The following TMEM132D variants were observed in gnomAD, a reference collection of about 807,000 sequenced individuals.
TMEM132D encodes transmembrane protein 132D.
A neutral mutation model predicts 62.3 loss-of-function variants in TMEM132D; 21 were observed. The observed-to-expected ratio is 0.34, with a 90% confidence interval of 0.24 to 0.49. The LOEUF (loss-of-function observed/expected upper bound fraction) is 0.49, where lower values mean the gene tolerates loss of function less well. Among genes scored for constraint, TMEM132D ranks in the 20% least tolerant of loss-of-function variants. TMEM132D has a pLI of 0.99. For missense variants in TMEM132D, 1,346 were observed against 1,402.8 expected, an observed-to-expected ratio of 0.96 and a Z score of 0.65; for synonymous variants, 621 against 575.6, an observed-to-expected ratio of 1.08 and a Z score of -1.13.
chr12:129,370,216 T>C (rs774805752), intron 3 of TMEM132D, among the ~76,000 whole-genome samples: 36 of 152,222 alleles, frequency 2.4e-4, no homozygotes, highest in Non-Finnish European at 4.7e-4. Flanking sequence ...CACACAGGAA[T>C]TGACACAAAG....
At chr12:129,331,022 G>A (rs780020316) in intron 4 of TMEM132D, among the ~76,000 whole-genome samples, 3 of 152,070 alleles carry the variant, frequency 2.0e-5, no homozygotes, top group Non-Finnish European at 4.4e-5. Context: ...TGCCCTCATT[G>A]CGTGCAAGGA....
intron 2 of TMEM132D, among the ~76,000 whole-genome samples, chr12:129,614,194 C>G (rs1011983175): frequency 1.3e-5 from 2 of 152,228 alleles, no homozygotes; most frequent in African/African-American, 4.8e-5. Flanking sequence ...AGAACCCATG[C>G]TCTTGAACCC....
In TMEM132D at chr12:129,779,167, G is replaced by A. The variant is rs1030244230; in HGVS notation, c.80-78469C>T. 3.3e-5 allele frequency among the ~76,000 whole-genome samples: 5 copies of A among 152,144 alleles called. No individual in the cohort carries two copies. The highest frequency in any genetic ancestry group is 7.3e-5 in the Non-Finnish European group (5 of 68,032). Reference sequence around the variant, plus strand: ...ATCCACCCAGCAGGAAGGATACAAGGCCTTAGGAAGGATCCATCTGGAAAG... The same window carrying A: ...ATCCACCCAGCAGGAAGGATACAAGACCTTAGGAAGGATCCATCTGGAAAG... On this transcript the variant is annotated intron_variant, in intron 1 of 8. Coordinates refer to ENST00000422113, the MANE Select transcript of TMEM132D (RefSeq NM_133448.3). The surrounding 1 kb of genome is among the most constrained non-coding windows in gnomAD (Gnocchi z 4.1).
intron 4 of TMEM132D, among the ~76,000 whole-genome samples, chr12:129,232,451 G>A (rs1424503376): frequency 2.0e-5 from 3 of 152,166 alleles, no homozygotes; most frequent in Non-Finnish European, 4.4e-5. Context: ...CAGAGCTGAG[G>A]TCAGAAAGCA....
At chr12:129,509,535 A>G (rs1049892823) in intron 3 of TMEM132D, among the ~76,000 whole-genome samples, 4 of 152,092 alleles carry the variant, frequency 2.6e-5, no homozygotes, top group South Asian at 4.1e-4. Flanking sequence ...ACTGACTATA[A>G]TCACCCTGTT....
chr12:129,644,123 G>T (rs935984246), intron 2 of TMEM132D, among the ~76,000 whole-genome samples: 47 of 152,038 alleles, frequency 3.1e-4, no homozygotes, highest in African/African-American at 1.1e-3. Context: ...AAAGTGCTGG[G>T]GAACCTATGT....
intron 4 of TMEM132D, among the ~76,000 whole-genome samples, chr12:129,210,653 CTCTT>C (rs1879013201): frequency 6.6e-6 from 1 of 152,204 alleles, no homozygotes; most frequent in Non-Finnish European, 1.5e-5. Context: ...CCCTTTATCT[CTCTT>C]CCAGACTCTA....
chr12:129,881,662 T>G (rs1482141127), intron 1 of TMEM132D, among the ~76,000 whole-genome samples: 1 of 152,004 alleles, frequency 6.6e-6, no homozygotes, highest in Admixed American at 6.6e-5. Flanking sequence ...GAGAAAAATG[T>G]AGACTATTAG....
At chr12:129,499,088 A>C (rs540335782) in intron 3 of TMEM132D, among the ~76,000 whole-genome samples, 1 of 152,308 alleles carries the variant, frequency 6.6e-6, no homozygotes, top group Non-Finnish European at 1.5e-5. Context: ...TGGGAGCTGG[A>C]ACTAGTATAG....
chr12:129,419,408 A>G (rs1872229386), intron 3 of TMEM132D, among the ~76,000 whole-genome samples: 1 of 152,158 alleles, frequency 6.6e-6, no homozygotes, highest in Non-Finnish European at 1.5e-5. Context: ...ATGAGCGTGC[A>G]GGAACAGCAG....
chr12:129,210,290 G>A (rs548959076), intron 4 of TMEM132D: 1 of 152,540 alleles, frequency 6.6e-6, no homozygotes, highest in South Asian at 2.1e-4. Flanking sequence ...ACAAAGGCAG[G>A]GAGAGAGCCC....
chr12:129,338,562 T>C (rs996756139), intron 3 of TMEM132D, among the ~76,000 whole-genome samples: 5 of 152,182 alleles, frequency 3.3e-5, no homozygotes, highest in African/African-American at 1.2e-4. Flanking sequence ...CTCTTCTATG[T>C]GACAGGTAGA....
At chr12:129,825,079 T>A (rs1872628693) in intron 1 of TMEM132D, among the ~76,000 whole-genome samples, 2 of 151,098 alleles carry the variant, frequency 1.3e-5, no homozygotes, top group African/African-American at 4.9e-5. Context: ...AGTGGCATGA[T>A]CTCAGCTCAC....
intron 2 of TMEM132D, among the ~76,000 whole-genome samples, chr12:129,593,836 A>ATT (rs35050891): frequency 2.6e-5 from 4 of 151,474 alleles, no homozygotes; most frequent in Admixed American, 6.6e-5. Context: ...CTTGACATGT[A>ATT]TTTTTTTTAA....
chr12:129,560,077 T>C (rs1877172489), intron 2 of TMEM132D, among the ~76,000 whole-genome samples: 1 of 152,144 alleles, frequency 6.6e-6, no homozygotes, highest in Non-Finnish European at 1.5e-5. Context: ...CGCTGACAGC[T>C]CTATGGGCAA....
intron 2 of TMEM132D, among the ~76,000 whole-genome samples, chr12:129,669,686 C>T (rs193002297): frequency 6.1e-4 from 92 of 151,222 alleles, no homozygotes; most frequent in African/African-American, 1.9e-3. Flanking sequence ...GCCTGGGCAA[C>T]GGAGCAAGAC....
intron 5 of TMEM132D, among the ~76,000 whole-genome samples, chr12:129,147,047 G>A (rs1329557081): frequency 2.0e-5 from 3 of 152,032 alleles, no homozygotes; most frequent in African/African-American, 7.2e-5. Flanking sequence ...ACCTACTGAA[G>A]AGTAGCAAGA....
chr12:129,282,233 G>A (rs1434738456), intron 4 of TMEM132D, among the ~76,000 whole-genome samples: 1 of 152,170 alleles, frequency 6.6e-6, no homozygotes, highest in African/African-American at 2.4e-5. Flanking sequence ...ATTCTAAGGG[G>A]AATAATGGCA....
intron 3 of TMEM132D, among the ~76,000 whole-genome samples, chr12:129,413,350 G>A (rs1472405162): frequency 6.6e-6 from 1 of 152,152 alleles, no homozygotes; most frequent in Non-Finnish European, 1.5e-5. Context: ...CTGCCACCAC[G>A]TAAGACATGC....
Sources: allele counts gnomAD v4.1 joint callset (sites outside exome capture counted in the v4.1 genomes callset), GRCh38; gene constraint gnomAD v4.1.1; non-coding constraint Gnocchi (gnomAD v3.1); transcripts MANE v1.5; gene names NCBI Gene and HGNC (gene_info 2026-07-23, HGNC 2026-07-21).